VPS16: variants seen among roughly 807,000 people sequenced by gnomAD.
The protein encoded by VPS16 is VPS16 core subunit of CORVET and HOPS complexes, also known as vacuolar protein sorting-associated protein 16 homolog.
In VPS16, 82 loss-of-function variants were observed where a neutral mutation model predicts 116.0. That is an observed-to-expected ratio of 0.71 (90% CI 0.59 to 0.85). VPS16 has a LOEUF of 0.85. VPS16 is among the 40% of genes least tolerant of loss of function. The pLI is 0.00. For missense variants in VPS16, 928 were observed against 1,090.6 expected, an observed-to-expected ratio of 0.85 and a Z score of 2.10; for synonymous variants, 406 against 420.7, an observed-to-expected ratio of 0.96 and a Z score of 0.43.
chr20:2,846,332 C>T (rs756794018), intron 1 of VPS16, among the ~76,000 whole-genome samples: 7 of 151,816 alleles, frequency 4.6e-5, no homozygotes, highest in Non-Finnish European at 1.0e-4. Context: ...GGCCAGGCTG[C>T]TTTCGAACTC....
At position 2,860,109 on chromosome 20, in the gene VPS16, C is replaced by T; in HGVS notation, c.198C>T (p.Leu66=). ...KEKAASVRPV[L]DIYSASGMPL... is the part of the protein sequence containing the mutation. ...AAGCTGCTAGTGTGAGGCCAGTGCT[C>T]GATATATACTCTGCTTCCGGCATGC... The change falls in exon 3 of 24, where the codon CTC becomes CTT. Residue 66 remains leucine (L), a synonymous_variant. Transcript: ENST00000380445. The surrounding 1 kb of genome is among the most constrained non-coding windows in gnomAD (Gnocchi z 6.1). 1.2e-6 allele frequency: 2 copies of T among 1,613,970 alleles called. No homozygotes were observed. The highest frequency in any genetic ancestry group is 2.2e-5 in the East Asian group (1 of 44,870).
intron 1 of VPS16, chr20:2,841,067 C>T: frequency 5.5e-6 from 3 of 547,004 alleles, no homozygotes; most frequent in Non-Finnish European, 9.7e-6. Flanking sequence ...GGTCTGTTAG[C>T]CTCCGGAAAG....
At chr20:2,849,615 T>TG (rs140754866) in intron 1 of VPS16, among the ~76,000 whole-genome samples, 16,471 of 150,952 alleles carry the variant, frequency 0.11, 1,068 homozygotes, top group African/African-American at 0.16. Flanking sequence ...AGATTTTTTT[T>TG]GGGGGGGGTG....
At chr20:2,856,339 C>T (rs2089171757) in intron 1 of VPS16, among the ~76,000 whole-genome samples, 1 of 152,112 alleles carries the variant, frequency 6.6e-6, no homozygotes, top group Non-Finnish European at 1.5e-5. Flanking sequence ...CATCACTGAT[C>T]ACAGATCACC....
chr20:2,862,439 A>C, intron 11 of VPS16, 140 bp from the exon 12 acceptor site: 1 of 1,458,246 alleles, frequency 6.9e-7, no homozygotes, highest in Non-Finnish European at 9.1e-7. Flanking sequence ...AGGTGGATTG[A>C]GTGGGCTGAG....
chr20:2,845,516 G>T lies in VPS16; in HGVS notation c.53+4689G>T, dbSNP rs570897093. Reference sequence around the variant, plus strand: ...TTTTGTTTTTTTGATACATAAACATGAACTTTTTTTTCAAAAAAGTCAGCT... The same window carrying T: ...TTTTGTTTTTTTGATACATAAACATTAACTTTTTTTTCAAAAAAGTCAGCT... On this transcript the variant is annotated intron_variant, in intron 1 of 23. Coordinates refer to ENST00000380445, the MANE Select transcript of VPS16 (RefSeq NM_022575.4). Among the ~76,000 whole-genome samples, 10 of 150,772 alleles carry T rather than the reference G, an allele frequency of 6.6e-5. No homozygotes were observed. The South Asian group carries it at 2.1e-3, about 32-fold the overall frequency.
intron 1 of VPS16, among the ~76,000 whole-genome samples, chr20:2,853,998 A>G (rs1264290892): frequency 6.6e-6 from 1 of 152,126 alleles, no homozygotes; most frequent in African/African-American, 2.4e-5. Flanking sequence ...TCTTAATGGC[A>G]TCTACAATGG....
Position 2,860,536 on chromosome 20 carries a change from T to C in VPS16, c.457T>C (p.Phe153Leu), listed in dbSNP as rs2089216439. The change falls in exon 5 of 24, where the codon TTC becomes CTC. Residue 153 changes from phenylalanine to leucine, a missense_variant. Coordinates refer to ENST00000380445, the MANE Select transcript of VPS16 (RefSeq NM_022575.4). The surrounding 1 kb of genome is among the most constrained non-coding windows in gnomAD (Gnocchi z 6.1). Reference sequence around the variant, plus strand: ...GGCCATCCTCACAGGGGCCCACCGCTTCACCCTCAGTGCCAATGTGGGTGA... The same window carrying C: ...GGCCATCCTCACAGGGGCCCACCGCCTCACCCTCAGTGCCAATGTGGGTGA... ...GVAILTGAHRFTLSANVGDLK... is the reference protein window; with the variant it reads ...GVAILTGAHRLTLSANVGDLK... The C allele has an allele frequency of 6.2e-7, 1 of 1,613,986 alleles. No individual in the cohort carries two copies. Among genetic ancestry groups the C allele is most frequent in the Admixed American group, 1.7e-5 (1 of 60,022 alleles).
chr20:2,861,584 T>C (rs2089228176), intron 8 of VPS16, 31 bp from the exon 9 acceptor site: 2 of 1,586,030 alleles, frequency 1.3e-6, no homozygotes, highest in Non-Finnish European at 1.7e-6. Flanking sequence ...CATGGGACAG[T>C]GTCTAGCCAG....
In VPS16 at chr20:2,860,633, C is replaced by T. The variant is rs754554160; in HGVS notation, c.514+40C>T. The T allele has an allele frequency of 6.2e-6, 10 of 1,612,028 alleles. No individual in the cohort carries two copies. Among genetic ancestry groups the T allele is most frequent in the South Asian group, 4.4e-5 (4 of 91,062 alleles). ...CGCTGAGATAGCCAAGCAGTACCCA[C>T]AGATGTGCCTCTAGCCTGTGAGACC... On this transcript the variant is annotated intron_variant, in intron 5 of 23. Transcript: ENST00000380445. This position sits in a 1 kb window ranked among gnomAD's most constrained non-coding sequence, Gnocchi z 6.1.
At chr20:2,843,696 A>C (rs1368645097) in intron 1 of VPS16, among the ~76,000 whole-genome samples, 6 of 152,334 alleles carry the variant, frequency 3.9e-5, no homozygotes, top group African/African-American at 1.4e-4. Flanking sequence ...AGAGTACTGC[A>C]GACATTGACC....
intron 1 of VPS16, among the ~76,000 whole-genome samples, chr20:2,857,663 C>T (rs1209390834): frequency 6.6e-6 from 1 of 151,976 alleles, no homozygotes; most frequent in African/African-American, 2.4e-5. Flanking sequence ...GCACCCACAA[C>T]CACACCTGGC....
Position 2,856,320 on chromosome 20 carries a change from T to C in VPS16, c.54-3399T>C, listed in dbSNP as rs776129302. Among the ~76,000 whole-genome samples, 26 of 152,282 alleles carry C rather than the reference T, an allele frequency of 1.7e-4. No individual in the cohort carries two copies. The South Asian group carries it at 3.3e-3, about 19-fold the overall frequency. On this transcript the variant is annotated intron_variant, in intron 1 of 23. Transcript: ENST00000380445. The stretch of plus-strand genomic sequence containing the variant: ...AGTTTGTGGCACCCCAAAACAATTA[T>C]AGTAGTAACATCACTGATCACAGAT...
At chr20:2,850,640 G>GAAA (rs1568623639) in intron 1 of VPS16, among the ~76,000 whole-genome samples, 2 of 151,506 alleles carry the variant, frequency 1.3e-5, no homozygotes, top group African/African-American at 4.8e-5. Context: ...AAAAGAAAAA[G>GAAA]AAAAAGAAAA....
At chr20:2,842,069 T>C (rs1599964133) in intron 1 of VPS16, among the ~76,000 whole-genome samples, 1 of 152,216 alleles carries the variant, frequency 6.6e-6, no homozygotes, top group African/African-American at 2.4e-5. Flanking sequence ...GCATGTTTCT[T>C]GCTTCTCTTT....
At chr20:2,851,215 A>G (rs1331965427) in intron 1 of VPS16, among the ~76,000 whole-genome samples, 2 of 152,194 alleles carry the variant, frequency 1.3e-5, no homozygotes, top group African/African-American at 4.8e-5. Context: ...CAAGGGATGT[A>G]AAGACGTAGG....
intron 1 of VPS16, among the ~76,000 whole-genome samples, chr20:2,845,008 G>T (rs576615877): frequency 2.8e-5 from 1 of 35,754 alleles, no homozygotes; most frequent in Non-Finnish European, 4.0e-5. Flanking sequence ...TTTGCAAGGG[G>T]TGTGTGTGTG....
intron 1 of VPS16, among the ~76,000 whole-genome samples, chr20:2,845,858 T>A (rs2089054152): frequency 6.6e-6 from 1 of 152,220 alleles, no homozygotes; most frequent in African/African-American, 2.4e-5. Flanking sequence ...AGTGGAGTCA[T>A]ATAGCACTTA....
intron 1 of VPS16, among the ~76,000 whole-genome samples, chr20:2,853,044 C>T (rs975940196): frequency 3.9e-5 from 6 of 152,158 alleles, no homozygotes; most frequent in African/African-American, 7.2e-5. Flanking sequence ...TGTAATACTC[C>T]GAATCCTTTG....
Sources: gnomAD v4.1 joint callset for allele counts (sites outside exome capture counted in the v4.1 genomes callset) on GRCh38, gnomAD v4.1.1 for gene constraint, Gnocchi (gnomAD v3.1) non-coding constraint, MANE v1.5 for transcripts, NCBI Gene and HGNC (gene_info 2026-07-23, HGNC 2026-07-21) for gene names.